The following MYL11 variants were observed in gnomAD, a reference collection of about 807,000 sequenced individuals.
MYL11 encodes myosin regulatory light chain 11.
At chr16:30,377,760 AG>A in the MYL11 span, 1 of 1,607,776 alleles carries the variant, frequency 6.2e-7, no homozygotes, top group Non-Finnish European at 8.5e-7. Context: ...GGGGAGACTA[AG>A]GGCCTGTGCG....
the MYL11 span, among the ~76,000 whole-genome samples, chr16:30,375,413 C>G: frequency 6.7e-6 from 1 of 149,120 alleles, no homozygotes; most frequent in Non-Finnish European, 1.5e-5. Flanking sequence ...TGCGGTAAGC[C>G]GAGATCGCAG....
At chr16:30,374,065 C>G in the MYL11 span, among the ~76,000 whole-genome samples, 60 of 152,200 alleles carry the variant, frequency 3.9e-4, no homozygotes, top group African/African-American at 1.3e-3. Flanking sequence ...GTAATCCCAG[C>G]ACTTTGGGAG....
At chr16:30,376,547 T>TCCAAGGC in the MYL11 span, 1 of 1,613,788 alleles carries the variant, frequency 6.2e-7, no homozygotes, top group Non-Finnish European at 8.5e-7. Flanking sequence ...GTGTCCTGGG[T>TCCAAGGC]CCAAGGCCCC....
chr16:30,376,582 G>A, the MYL11 span: 2 of 1,613,982 alleles, frequency 1.2e-6, no homozygotes, highest in Non-Finnish European at 1.7e-6. Flanking sequence ...AGACCCTTCA[G>A]GGACCCATCA....
chr16:30,377,830 T>C, the MYL11 span: 16 of 1,614,094 alleles, frequency 9.9e-6, no homozygotes, highest in South Asian at 2.2e-5. Flanking sequence ...CCCCCCGACG[T>C]GGGCGGCAAC....
chr16:30,374,691 G>A, the MYL11 span: 1 of 720,580 alleles, frequency 1.4e-6, no homozygotes, highest in South Asian at 2.1e-5. Context: ...GAGGCCCTGA[G>A]TTGGGCTATT....
At chr16:30,377,032 G>A in the MYL11 span, among the ~76,000 whole-genome samples, 1 of 152,146 alleles carries the variant, frequency 6.6e-6, no homozygotes, top group African/African-American at 2.4e-5. Context: ...GGCCAACACG[G>A]TGAAACCCCG....
At chr16:30,375,758 T>C in the MYL11 span, 3 of 1,382,472 alleles carry the variant, frequency 2.2e-6, no homozygotes, top group South Asian at 1.2e-5. Flanking sequence ...TCTTAATCCA[T>C]TGCCCCCAGA....
At chr16:30,374,524 T>G in the MYL11 span, among the ~76,000 whole-genome samples, 2 of 152,176 alleles carry the variant, frequency 1.3e-5, no homozygotes, top group Admixed American at 6.5e-5. Flanking sequence ...AATGATGCCT[T>G]GGGTTGCGTC....
At chr16:30,377,728 G>C in the MYL11 span, 2 of 1,567,492 alleles carry the variant, frequency 1.3e-6, no homozygotes, top group Non-Finnish European at 1.7e-6. Context: ...GGCGGGGCCG[G>C]AGCAGCAAAG....
the MYL11 span, chr16:30,376,360 T>C: frequency 6.4e-7 from 1 of 1,560,840 alleles, no homozygotes; most frequent in Non-Finnish European, 8.8e-7. Context: ...GCTGAATTAG[T>C]GGGAAGCGCA....
At chr16:30,376,685 A>G in the MYL11 span, 1 of 1,613,950 alleles carries the variant, frequency 6.2e-7, no homozygotes, top group East Asian at 2.2e-5. Flanking sequence ...AAAGGGCACC[A>G]TCAAGAAGAA....
the MYL11 span, among the ~76,000 whole-genome samples, chr16:30,371,606 G>T: frequency 6.6e-6 from 1 of 152,116 alleles, no homozygotes; most frequent in African/African-American, 2.4e-5. Context: ...CCAGGCTCCA[G>T]TTCCTCAGAC....
the MYL11 span, chr16:30,375,994 A>G: frequency 6.6e-7 from 1 of 1,518,488 alleles, no homozygotes; most frequent in African/African-American, 1.4e-5. Context: ...ACCTGCTTGA[A>G]GGAGGGGAAA....
chr16:30,371,510 A>ATC, the MYL11 span, among the ~76,000 whole-genome samples: 1 of 151,982 alleles, frequency 6.6e-6, no homozygotes, highest in Non-Finnish European at 1.5e-5. Flanking sequence ...AGCAACCCAT[A>ATC]TCTCTGCTTC....
chr16:30,377,883 G>C, the MYL11 span: 1 of 1,612,846 alleles, frequency 6.2e-7, no homozygotes, highest in Non-Finnish European at 8.5e-7. Flanking sequence ...GCACGGCGAC[G>C]CCAAGGACCA....
the MYL11 span, among the ~76,000 whole-genome samples, chr16:30,373,913 G>A: frequency 3.1e-3 from 468 of 152,222 alleles, 17 homozygotes; most frequent in Middle Eastern, 0.044. Flanking sequence ...ACCATGTGGG[G>A]GTGGAGGGAT....
chr16:30,377,813 G>A, the MYL11 span: 2 of 1,614,124 alleles, frequency 1.2e-6, no homozygotes, highest in African/African-American at 1.3e-5. Context: ...ACATGTGGGC[G>A]GCCTTCCCCC....
the MYL11 span, chr16:30,377,787 T>C: frequency 1.3e-4 from 206 of 1,613,718 alleles, no homozygotes; most frequent in East Asian, 4.0e-3. Context: ...CCCCTACGTC[T>C]TTCCCCAGAT....
Sources: allele counts gnomAD v4.1 joint callset (sites outside exome capture counted in the v4.1 genomes callset), GRCh38; gene constraint gnomAD v4.1.1; transcripts MANE v1.5; gene names NCBI Gene and HGNC (gene_info 2026-07-23, HGNC 2026-07-21).